Variants in NR6A1 observed in about 807,000 individuals in gnomAD.
NR6A1 encodes nuclear receptor subfamily 6 group A member 1.
NR6A1 carries 7 observed loss-of-function variants against 59.1 expected under a neutral mutation model. The observed-to-expected ratio is 0.12, with a 90% CI of 0.07 to 0.22. The LOEUF (loss-of-function observed/expected upper bound fraction) is 0.22, where lower values mean the gene tolerates loss of function less well. Among genes scored for constraint, NR6A1 ranks in the 10% least tolerant of loss-of-function variants. NR6A1 has a pLI of 1.00. For missense variants in NR6A1, 468 were observed against 611.6 expected (o/e 0.77, Z 2.48); for synonymous variants, 243 against 236.1 (o/e 1.03, Z -0.27).
At chr9:124,567,718 A>G (rs780134506) in intron 2 of NR6A1, among the ~76,000 whole-genome samples, 6 of 152,094 alleles carry the variant, frequency 3.9e-5, no homozygotes, top group Non-Finnish European at 7.4e-5. Flanking sequence ...CTTAAAAGTG[A>G]GTGGTAAAGA....
intron 1 of NR6A1, among the ~76,000 whole-genome samples, chr9:124,741,897 C>A (rs10114050): frequency 0.018 from 2,683 of 152,236 alleles, 81 homozygotes; most frequent in African/African-American, 0.061. Flanking sequence ...TGCTCGGTAG[C>A]CATGATCGAT....
chr9:124,720,743 T>C, intron 2 of NR6A1, among the ~76,000 whole-genome samples: 1 of 152,162 alleles, frequency 6.6e-6, no homozygotes, highest in East Asian at 1.9e-4. Context: ...TGAGTTATTA[T>C]AGCCTCAGCA....
chr9:124,736,699 A>G (rs1361272121), intron 1 of NR6A1, among the ~76,000 whole-genome samples: 3 of 151,952 alleles, frequency 2.0e-5, no homozygotes, highest in African/African-American at 4.8e-5. Context: ...TACAAAAGTT[A>G]GCCAGGTGTG....
chr9:124,529,666 G>A (rs1043817200), intron 7 of NR6A1, among the ~76,000 whole-genome samples: 1 of 152,198 alleles, frequency 6.6e-6, no homozygotes, highest in African/African-American at 2.4e-5. Flanking sequence ...TACTACCACA[G>A]GGGACCTCAG....
intron 2 of NR6A1, among the ~76,000 whole-genome samples, chr9:124,623,963 C>T (rs1023964373): frequency 6.6e-6 from 1 of 152,176 alleles, no homozygotes; most frequent in African/African-American, 2.4e-5. Flanking sequence ...TTACATGTAT[C>T]ACCTCACCAG....
intron 2 of NR6A1, among the ~76,000 whole-genome samples, chr9:124,669,221 A>T (rs1332656415): frequency 6.6e-6 from 1 of 152,234 alleles, no homozygotes; most frequent in African/African-American, 2.4e-5. Context: ...ATAAATTAAG[A>T]TGCATAAAAA....
At chr9:124,722,300 C>G (rs1262758164) in intron 2 of NR6A1, among the ~76,000 whole-genome samples, 1 of 152,204 alleles carries the variant, frequency 6.6e-6, no homozygotes, top group Non-Finnish European at 1.5e-5. Context: ...ACCAAATACA[C>G]AAGTAAATGG....
At position 124,622,757 on chromosome 9, in the gene NR6A1, T is replaced by TA. The variant is rs71492417; in HGVS notation, c.143-68188dup. Among the ~76,000 whole-genome samples, 240 of 147,398 alleles carry TA rather than the reference T, an allele frequency of 1.6e-3. 2 individuals are homozygous for TA. Among genetic ancestry groups the TA allele is most frequent in the African/African-American group, 4.1e-3 (166 of 40,272 alleles). Reference sequence around the variant, plus strand: ...GAGCAACAAAAACACTGGAAAACCTTAAAAAAAAAAGAGTAGGAAATTGAG... The same window carrying TA: ...GAGCAACAAAAACACTGGAAAACCTTAAAAAAAAAAAGAGTAGGAAATTGAG... On this transcript the variant is annotated intron_variant, in intron 2 of 9. Transcript: ENST00000487099.
At chr9:124,600,266 G>A (rs149207591) in intron 2 of NR6A1, among the ~76,000 whole-genome samples, 2 of 152,274 alleles carry the variant, frequency 1.3e-5, no homozygotes, top group Non-Finnish European at 2.9e-5. Context: ...CCTATGGCAA[G>A]GGAAAGAGTT....
chr9:124,737,653 G>C (rs563298245), intron 1 of NR6A1, among the ~76,000 whole-genome samples: 1 of 152,186 alleles, frequency 6.6e-6, no homozygotes, highest in Non-Finnish European at 1.5e-5. Context: ...ATCACTTGAG[G>C]TCAGGAGTTC....
At chr9:124,670,172 G>C (rs11795019) in intron 2 of NR6A1, among the ~76,000 whole-genome samples, 1 of 149,718 alleles carries the variant, frequency 6.7e-6, no homozygotes, top group African/African-American at 2.5e-5. Context: ...TTGAAGCCAG[G>C]AGTTTGAGAC....
rs1832741509 is a variant in NR6A1, at chr9:124,518,871, A to G, written c.*3834T>C. On this transcript the variant is annotated 3_prime_UTR_variant, in exon 10 of 10. Transcript: ENST00000487099. ...TGCAAAAATTTCAAAAGCAACAAGGAAAAAAGATACACACCAGGGGCCCAG... is the reference window on the plus strand; with the variant it reads ...TGCAAAAATTTCAAAAGCAACAAGGGAAAAAGATACACACCAGGGGCCCAG... The G allele has an allele frequency of 6.6e-6, 1 of 152,104 alleles. No individual in the cohort carries two copies. Among genetic ancestry groups the G allele is most frequent in the Non-Finnish European group, 1.5e-5 (1 of 68,028 alleles). The allele number at this position is 152,104 out of a possible 1,614,324, so 9.4% of individuals were successfully genotyped here.
intron 2 of NR6A1, among the ~76,000 whole-genome samples, chr9:124,614,958 T>C (rs1835847080): frequency 6.6e-6 from 1 of 152,232 alleles, no homozygotes; most frequent in Non-Finnish European, 1.5e-5. Context: ...GTGATATAAC[T>C]GGATTCAAAG....
intron 2 of NR6A1, among the ~76,000 whole-genome samples, chr9:124,651,263 C>T (rs111859469): frequency 0.13 from 20,187 of 151,918 alleles, 3,645 homozygotes; most frequent in African/African-American, 0.4. Flanking sequence ...TTTGCCACGT[C>T]GCCCAGGCTG....
chr9:124,705,468 T>C (rs1259159631), intron 2 of NR6A1, among the ~76,000 whole-genome samples: 2 of 152,222 alleles, frequency 1.3e-5, no homozygotes. Context: ...TATTTCTTGC[T>C]TAAACTGTCT....
intron 2 of NR6A1, among the ~76,000 whole-genome samples, chr9:124,729,149 AAT>A (rs1479930443): frequency 6.6e-6 from 1 of 152,182 alleles, no homozygotes. Flanking sequence ...GTATCATAAA[AAT>A]AGAGATAAGT....
intron 2 of NR6A1, among the ~76,000 whole-genome samples, chr9:124,633,519 A>G (rs1588726391): frequency 6.6e-6 from 1 of 152,268 alleles, no homozygotes; most frequent in East Asian, 1.9e-4. Flanking sequence ...CATAGACTCA[A>G]TGTGTCACAG....
At chr9:124,671,318 T>C (rs1035713740) in intron 2 of NR6A1, among the ~76,000 whole-genome samples, 1 of 152,190 alleles carries the variant, frequency 6.6e-6, no homozygotes, top group Non-Finnish European at 1.5e-5. Flanking sequence ...GTTTTACATT[T>C]TGCTCTATTC....
At chr9:124,627,430 T>C (rs2130872667) in intron 2 of NR6A1, among the ~76,000 whole-genome samples, 1 of 152,272 alleles carries the variant, frequency 6.6e-6, no homozygotes, top group African/African-American at 2.4e-5. Context: ...CAAAAAACTC[T>C]AAGAAAACAA....
Sources: allele counts gnomAD v4.1 joint callset (sites outside exome capture counted in the v4.1 genomes callset), GRCh38; gene constraint gnomAD v4.1.1; transcripts MANE v1.5; gene names NCBI Gene and HGNC (gene_info 2026-07-23, HGNC 2026-07-21).